CCDC141: variants seen among roughly 807,000 people sequenced by gnomAD.
CCDC141 encodes the protein coiled-coil domain-containing protein 141.
In CCDC141, 168 loss-of-function variants were observed where a neutral mutation model predicts 181.0. The observed-to-expected ratio is 0.93, with a 90% CI of 0.82 to 1.05. The LOEUF is 1.05. Among genes scored for constraint, CCDC141 ranks in the 50% least tolerant of loss-of-function variants. The pLI is 0.00. For synonymous variants in CCDC141, 666 were observed against 642.3 expected, an observed-to-expected ratio of 1.04 and a Z score of -0.56; for missense variants, 1,902 against 1,788.5, an observed-to-expected ratio of 1.06 and a Z score of -1.14.
chr2:178,935,305 G>T (rs548482140), intron 6 of CCDC141, among the ~76,000 whole-genome samples: 12 of 151,984 alleles, frequency 7.9e-5, no homozygotes, highest in African/African-American at 2.7e-4. Flanking sequence ...CCCCAGTGTC[G>T]ATTGTTTTCT....
At chr2:179,009,529 CTCTCT>C (rs571424982) in intron 2 of CCDC141, among the ~76,000 whole-genome samples, 2 of 152,106 alleles carry the variant, frequency 1.3e-5, no homozygotes, top group East Asian at 3.9e-4. Flanking sequence ...TGATTGTTTT[CTCTCT>C]TCTGAGTCTA....
intron 22 of CCDC141, among the ~76,000 whole-genome samples, chr2:178,839,274 G>A (rs748689390): frequency 1.3e-5 from 2 of 151,930 alleles, no homozygotes; most frequent in African/African-American, 4.8e-5. Flanking sequence ...TTAGCCAGGC[G>A]TGGTGGTGCG....
intron 11 of CCDC141, among the ~76,000 whole-genome samples, chr2:178,884,365 A>C (rs1222613232): frequency 6.6e-6 from 1 of 152,160 alleles, no homozygotes; most frequent in Admixed American, 6.6e-5. Context: ...GATAACTGTA[A>C]TTTTACAGCT....
intron 2 of CCDC141, among the ~76,000 whole-genome samples, chr2:178,983,872 C>A (rs1440035553): frequency 6.7e-6 from 1 of 150,370 alleles, no homozygotes; most frequent in Non-Finnish European, 1.5e-5. Context: ...GAGAATGGAA[C>A]CAAGTTGGAA....
chr2:178,901,905 A>G (rs1268356649), intron 8 of CCDC141, among the ~76,000 whole-genome samples: 2 of 151,912 alleles, frequency 1.3e-5, no homozygotes, highest in Non-Finnish European at 2.9e-5. Flanking sequence ...CAACTTCAGC[A>G]GTCTCAGGAT....
rs536919291 is a variant in CCDC141 at position 178,857,928 on chromosome 2, GA to G, written c.2725-1532del. Among the ~76,000 whole-genome samples, 7 of 152,236 alleles carry G rather than the reference GA, an allele frequency of 4.6e-5. No individual in the cohort carries two copies. The East Asian group carries it at 1.3e-3, about 29-fold the overall frequency. On this transcript the variant is annotated intron_variant, in intron 17 of 23. Coordinates refer to ENST00000443758, the MANE Select transcript of CCDC141 (RefSeq NM_173648.4). ...GCTTATTTCAAATTCTGCAGACTGTGAAAATAAAGCCTTTATCTTATCTGTA... is the reference window on the plus strand; with the variant it reads ...GCTTATTTCAAATTCTGCAGACTGTGAAATAAAGCCTTTATCTTATCTGTA...
At chr2:178,964,139 G>C (rs1023145482) in intron 4 of CCDC141, among the ~76,000 whole-genome samples, 1 of 152,190 alleles carries the variant, frequency 6.6e-6, no homozygotes, top group African/African-American at 2.4e-5. Flanking sequence ...AGACTGAATA[G>C]TTTAATTTGT....
intron 4 of CCDC141, among the ~76,000 whole-genome samples, chr2:178,963,274 A>G (rs1220047227): frequency 6.6e-6 from 1 of 152,218 alleles, no homozygotes; most frequent in African/African-American, 2.4e-5. Context: ...TTGAGGAGTG[A>G]GAAGGCAATG....
rs552308081 is a variant in CCDC141, at chr2:178,838,009, C to T, written c.3475-265G>A. ...CATTGTGAACAGAAGAGAGAAAGCC[C>T]TAGTTTCCATCTGTAGTGAAGGGGT... is the stretch of plus-strand genomic sequence containing the variant. On this transcript the variant is annotated intron_variant, in intron 22 of 23. Transcript: ENST00000443758. Among the ~76,000 whole-genome samples the T allele has an allele frequency of 2.0e-5, 3 of 152,200 alleles. No individual in the cohort carries two copies. In the South Asian group the frequency reaches 6.2e-4, roughly 32 times the overall value.
intron 2 of CCDC141, among the ~76,000 whole-genome samples, chr2:179,030,412 G>A (rs538033456): frequency 3.7e-4 from 56 of 152,082 alleles, no homozygotes; most frequent in African/African-American, 1.3e-3. Context: ...GGCCTCCCGT[G>A]TTGTTATCAT....
At position 178,855,494 on chromosome 2, in the gene CCDC141, A is replaced by T; in HGVS notation, c.2913T>A (p.Ser971=). 6.2e-7 allele frequency: 1 copy of T among 1,606,106 alleles called. No individual in the cohort carries two copies. The highest frequency in any genetic ancestry group is 1.1e-5 in the South Asian group (1 of 88,508). Residue 971 remains serine (S), a synonymous_variant, in exon 19 of 24, where the codon TCT becomes TCA. Transcript: ENST00000443758. ...CTTTATCACTTGGATAATTTAAGAA[A>T]GAATCAGAGGTTTTATTACTAACTT... is the stretch of plus-strand genomic sequence containing the variant. ...MEKVSNKTSD[S]FLNYPSDKVN... is the part of the protein sequence containing the mutation.
chr2:178,824,346 C>G, the CCDC141 span, among the ~76,000 whole-genome samples: 1 of 152,120 alleles, frequency 6.6e-6, no homozygotes, highest in Non-Finnish European at 1.5e-5. Context: ...AAAAAGTCAG[C>G]TGTGGCCAGG....
At chr2:178,935,771 T>G (rs1558991813) in intron 6 of CCDC141, among the ~76,000 whole-genome samples, 1 of 152,178 alleles carries the variant, frequency 6.6e-6, no homozygotes, top group Non-Finnish European at 1.5e-5. Context: ...ACATCTGTTA[T>G]TTTTTGACTT....
At chr2:179,015,465 C>A (rs933847073) in intron 2 of CCDC141, among the ~76,000 whole-genome samples, 2 of 115,314 alleles carry the variant, frequency 1.7e-5, no homozygotes, top group African/African-American at 2.8e-5. Context: ...CCATATATAT[C>A]TCATATATGT....
chr2:178,896,474 T>C (rs1486614849), intron 8 of CCDC141, among the ~76,000 whole-genome samples: 1 of 152,158 alleles, frequency 6.6e-6, no homozygotes, highest in Non-Finnish European at 1.5e-5. Flanking sequence ...TATAAGATGC[T>C]CATATGTACA....
chr2:178,846,561 G>T (rs556279307), intron 21 of CCDC141, among the ~76,000 whole-genome samples: 1 of 152,334 alleles, frequency 6.6e-6, no homozygotes, highest in South Asian at 2.1e-4. Flanking sequence ...GGGAGATTCT[G>T]CTTTCAGTCC....
intron 6 of CCDC141, among the ~76,000 whole-genome samples, chr2:178,931,320 G>A (rs1315863229): frequency 3.3e-5 from 5 of 151,908 alleles, no homozygotes; most frequent in African/African-American, 9.7e-5. Flanking sequence ...TCTACTCCTA[G>A]GTATTACCCA....
At chr2:179,041,898 A>G (rs2154389004) in intron 2 of CCDC141, among the ~76,000 whole-genome samples, 1 of 152,324 alleles carries the variant, frequency 6.6e-6, no homozygotes, top group Non-Finnish European at 1.5e-5. Flanking sequence ...ATACAGGAGT[A>G]CCCAGATTCA....
chr2:179,012,963 C>T (rs970620479), intron 2 of CCDC141, among the ~76,000 whole-genome samples: 3 of 152,048 alleles, frequency 2.0e-5, no homozygotes, highest in Non-Finnish European at 4.4e-5. Flanking sequence ...AAGGGACATA[C>T]CTTAATGTAA....
Sources: gnomAD v4.1 joint callset for allele counts (sites outside exome capture counted in the v4.1 genomes callset) on GRCh38, gnomAD v4.1.1 for gene constraint, MANE v1.5 for transcripts, NCBI Gene and HGNC (gene_info 2026-07-23, HGNC 2026-07-21) for gene names.